Variants in AGBL4 observed in about 807,000 individuals in gnomAD.
AGBL4 encodes AGBL carboxypeptidase 4.
A neutral mutation model predicts 66.4 loss-of-function variants in AGBL4; 58 were observed. The observed-to-expected ratio is 0.87, with a 90% CI of 0.71 to 1.09. The LOEUF (loss-of-function observed/expected upper bound fraction) is 1.09, where lower values mean the gene tolerates loss of function less well. AGBL4 is among the 50% of genes least tolerant of loss of function. The pLI, the probability that AGBL4 is intolerant of heterozygous loss-of-function variation, is 0.00. For missense variants in AGBL4, 579 were observed against 631.0 expected, an observed-to-expected ratio of 0.92 and a Z score of 0.88; for synonymous variants, 234 against 222.9, an observed-to-expected ratio of 1.05 and a Z score of -0.44.
rs1467262961 is a variant in AGBL4, at chr1:49,262,505, A to G, written c.283-16641T>C. 1.6e-4 allele frequency among the ~76,000 whole-genome samples: 25 copies of G among 152,366 alleles called. 1 individual carries two copies. In the South Asian group the frequency reaches 4.8e-3, roughly 29 times the overall value. ...CAAAAAGTGGGCAAAGTATATGAACAGACACTTCTCAAAAGAAGATATTTA... is the reference window on the plus strand; with the variant it reads ...CAAAAAGTGGGCAAAGTATATGAACGGACACTTCTCAAAAGAAGATATTTA... On this transcript the variant is annotated intron_variant, in intron 3 of 13. Coordinates refer to ENST00000371839, the MANE Select transcript of AGBL4 (RefSeq NM_032785.4).
At chr1:48,915,445 A>G (rs1653503174) in intron 5 of AGBL4, among the ~76,000 whole-genome samples, 1 of 152,208 alleles carries the variant, frequency 6.6e-6, no homozygotes. Context: ...GTAGCACAGA[A>G]AAGTATTTTC....
intron 3 of AGBL4, among the ~76,000 whole-genome samples, chr1:49,373,508 A>G (rs1434308837): frequency 1.3e-5 from 2 of 152,202 alleles, no homozygotes; most frequent in African/African-American, 4.8e-5. Context: ...GAAAAACAGG[A>G]ACATTTTTAA....
intron 3 of AGBL4, among the ~76,000 whole-genome samples, chr1:49,552,633 G>T (rs1404623205): frequency 6.6e-6 from 1 of 152,200 alleles, no homozygotes; most frequent in African/African-American, 2.4e-5. Context: ...CTTCACAGTT[G>T]TGGTACTCAC....
intron 6 of AGBL4, among the ~76,000 whole-genome samples, chr1:48,764,884 TGGCTTGG>T (rs1644456205): frequency 6.6e-6 from 1 of 152,206 alleles, no homozygotes; most frequent in African/African-American, 2.4e-5. Context: ...TGGCTTCTGC[TGGCTTGG>T]GGCTTGGGGC....
At chr1:48,530,466 G>A (rs903803303), downstream of AGBL4, among the ~76,000 whole-genome samples, 6 of 152,204 alleles carry the variant, frequency 3.9e-5, no homozygotes, top group African/African-American at 9.7e-5. Flanking sequence ...GGTCTCAGGT[G>A]TGTCAGTTGA....
intron 3 of AGBL4, among the ~76,000 whole-genome samples, chr1:49,584,244 T>A (rs1032033338): frequency 2.0e-5 from 3 of 152,208 alleles, no homozygotes; most frequent in Non-Finnish European, 4.4e-5. Context: ...GAACAATGTG[T>A]CTAAAATGAA....
intron 4 of AGBL4, among the ~76,000 whole-genome samples, chr1:49,239,716 C>T (rs1428724426): frequency 1.3e-5 from 2 of 152,030 alleles, no homozygotes; most frequent in Non-Finnish European, 2.9e-5. Context: ...TATAAATAGA[C>T]ATTTATTGAA....
At chr1:49,302,652 T>TATTTG (rs1644774355) in intron 3 of AGBL4, among the ~76,000 whole-genome samples, 2 of 146,118 alleles carry the variant, frequency 1.4e-5, no homozygotes, top group Admixed American at 6.9e-5. Flanking sequence ...TATTTTATTT[T>TATTTG]ATTTTATTTT....
At chr1:49,275,576 G>A (rs1271220811) in intron 3 of AGBL4, among the ~76,000 whole-genome samples, 1 of 152,108 alleles carries the variant, frequency 6.6e-6, no homozygotes, top group East Asian at 1.9e-4. Flanking sequence ...AACTAAATTA[G>A]TCCCATTATA....
intron 3 of AGBL4, among the ~76,000 whole-genome samples, chr1:49,468,505 C>A (rs1305120265): frequency 1.3e-5 from 2 of 151,790 alleles, no homozygotes; most frequent in African/African-American, 2.4e-5. Flanking sequence ...TCTTGAAAAT[C>A]ACAATCACAG....
At chr1:48,774,843 T>C (rs1644999310) in intron 6 of AGBL4, among the ~76,000 whole-genome samples, 1 of 152,186 alleles carries the variant, frequency 6.6e-6, no homozygotes, top group African/African-American at 2.4e-5. Context: ...TGAAACAATC[T>C]CCAAGAGAGG....
rs376832985 is a variant in AGBL4, at chr1:49,722,696, C to G, written c.158-25259G>C. ...ATTGATTGAATGGCAGTCAAAAGATCTGATTTAGCTCTATGTTTATCATTG... is the reference window on the plus strand; with the variant it reads ...ATTGATTGAATGGCAGTCAAAAGATGTGATTTAGCTCTATGTTTATCATTG... On this transcript the variant is annotated intron_variant, in intron 2 of 13. Coordinates refer to ENST00000371839, the MANE Select transcript of AGBL4 (RefSeq NM_032785.4). Among the ~76,000 whole-genome samples the G allele has an allele frequency of 9.9e-4, 150 of 152,200 alleles. 2 individuals are homozygous for G. In the South Asian group the frequency reaches 0.03, roughly 30 times the overall value.
chr1:49,621,672 G>T (rs1255495686), intron 3 of AGBL4, among the ~76,000 whole-genome samples: 1 of 152,178 alleles, frequency 6.6e-6, no homozygotes, highest in Non-Finnish European at 1.5e-5. Context: ...TAGATGGGGA[G>T]GAAAGTCTTT....
chr1:49,880,954 C>T (rs1037658360), intron 1 of AGBL4, among the ~76,000 whole-genome samples: 1 of 152,066 alleles, frequency 6.6e-6, no homozygotes, highest in African/African-American at 2.4e-5. Flanking sequence ...TTCTTTGACT[C>T]GGAAAGGGAA....
At chr1:49,749,660 A>AT (rs1231468310) in intron 2 of AGBL4, among the ~76,000 whole-genome samples, 1 of 152,162 alleles carries the variant, frequency 6.6e-6, no homozygotes, top group Admixed American at 6.6e-5. Flanking sequence ...ATTCACGGTT[A>AT]TATCAAAAAA....
chr1:48,827,684 T>C (rs1646456232), intron 6 of AGBL4, among the ~76,000 whole-genome samples: 2 of 152,150 alleles, frequency 1.3e-5, no homozygotes, highest in South Asian at 4.2e-4. Flanking sequence ...AGGAAGCCCT[T>C]TTAAGCGGGT....
chr1:48,741,997 T>C (rs58116809), intron 6 of AGBL4, among the ~76,000 whole-genome samples: 9,912 of 152,292 alleles, frequency 0.065, 368 homozygotes, highest in South Asian at 0.17. Flanking sequence ...ATTCCATTAC[T>C]AATAATCTTA....
At chr1:48,578,740 C>T (rs756923133) in intron 11 of AGBL4, among the ~76,000 whole-genome samples, 1 of 152,174 alleles carries the variant, frequency 6.6e-6, no homozygotes, top group Non-Finnish European at 1.5e-5. Flanking sequence ...TGGGTGAGGC[C>T]TGCTTCCACT....
intron 5 of AGBL4, among the ~76,000 whole-genome samples, chr1:48,961,802 G>A (rs1016113479): frequency 6.6e-6 from 1 of 152,204 alleles, no homozygotes; most frequent in African/African-American, 2.4e-5. Context: ...AGAGGCTAAG[G>A]AGGCCTGGGT....
Sources: gnomAD v4.1 joint callset for allele counts (sites outside exome capture counted in the v4.1 genomes callset) on GRCh38, gnomAD v4.1.1 for gene constraint, MANE v1.5 for transcripts, NCBI Gene and HGNC (gene_info 2026-07-23, HGNC 2026-07-21) for gene names.